ARL6IP6: variants seen among roughly 807,000 people sequenced by gnomAD.
ARL6IP6 encodes ADP-ribosylation factor-like protein 6-interacting protein 6.
In ARL6IP6, 22 loss-of-function variants were observed where a neutral mutation model predicts 21.5. That is an observed-to-expected ratio of 1.02 (90% CI 0.73 to 1.46). The LOEUF is 1.46. ARL6IP6 is among the 40% of genes most tolerant of loss of function. The pLI, the probability that ARL6IP6 is intolerant of heterozygous loss-of-function variation, is 0.00. For synonymous variants in ARL6IP6, 164 were observed against 125.3 expected, an observed-to-expected ratio of 1.31 and a Z score of -2.06; for missense variants, 388 against 299.8, an observed-to-expected ratio of 1.29 and a Z score of -2.17.
At chr2:152,724,179 TG>T in intron 2 of ARL6IP6, among the ~76,000 whole-genome samples, 1 of 151,958 alleles carries the variant, frequency 6.6e-6, no homozygotes, top group South Asian at 2.1e-4. Flanking sequence ...TTAGTTTATC[TG>T]GGTTTCCGAA....
At chr2:152,736,730 A>G (rs916997158) in intron 3 of ARL6IP6, among the ~76,000 whole-genome samples, 5 of 152,192 alleles carry the variant, frequency 3.3e-5, no homozygotes, top group African/African-American at 1.2e-4. Flanking sequence ...AATATTTGGG[A>G]AAAAAATTAC....
At chr2:152,730,162 C>T (rs114462855) in intron 2 of ARL6IP6, among the ~76,000 whole-genome samples, 312 of 152,176 alleles carry the variant, frequency 2.1e-3, no homozygotes, top group African/African-American at 6.3e-3. Context: ...ATGCTCAATG[C>T]GAAGTAAGTA....
intron 3 of ARL6IP6, among the ~76,000 whole-genome samples, chr2:152,751,353 C>CA (rs756670612): frequency 2.6e-5 from 4 of 152,190 alleles, no homozygotes; most frequent in Admixed American, 1.3e-4. Flanking sequence ...TGTGAGCATT[C>CA]AAAATCTTCT....
At chr2:152,734,159 GC>G (rs1314281015) in intron 2 of ARL6IP6, among the ~76,000 whole-genome samples, 1 of 151,980 alleles carries the variant, frequency 6.6e-6, no homozygotes, top group Non-Finnish European at 1.5e-5. Context: ...TTCCCTTTAT[GC>G]CTCCTATTCT....
upstream of ARL6IP6, chr2:152,717,659 A>C (rs1003351613): frequency 2.1e-5 from 30 of 1,418,596 alleles, no homozygotes; most frequent in Non-Finnish European, 2.3e-5. Flanking sequence ...AGGACGGAGG[A>C]AGTTTCTGCG....
intron 2 of ARL6IP6, among the ~76,000 whole-genome samples, chr2:152,733,599 G>A (rs1227326545): frequency 6.6e-6 from 1 of 151,946 alleles, no homozygotes; most frequent in Non-Finnish European, 1.5e-5. Context: ...CACCGTTTTA[G>A]GTATTCAGTT....
chr2:152,738,725 C>A (rs1700663581), intron 3 of ARL6IP6, among the ~76,000 whole-genome samples: 2 of 152,150 alleles, frequency 1.3e-5, no homozygotes, highest in Admixed American at 1.3e-4. Context: ...ATAGGCCTCC[C>A]AGCTTGTGAT....
intron 2 of ARL6IP6, among the ~76,000 whole-genome samples, chr2:152,727,503 C>A (rs1700100103): frequency 6.6e-6 from 1 of 152,102 alleles, no homozygotes; most frequent in Non-Finnish European, 1.5e-5. Flanking sequence ...TGTCCTTGGC[C>A]TTCACCTTCA....
chr2:152,728,505 G>A (rs967533976), intron 2 of ARL6IP6, among the ~76,000 whole-genome samples: 7 of 152,210 alleles, frequency 4.6e-5, no homozygotes, highest in Non-Finnish European at 8.8e-5. Flanking sequence ...TAAACAAAAT[G>A]AAAATATTTA....
At chr2:152,751,639 C>G (rs34585982) in intron 3 of ARL6IP6, among the ~76,000 whole-genome samples, 22,721 of 152,148 alleles carry the variant, frequency 0.15, 1,924 homozygotes, top group East Asian at 0.26. Flanking sequence ...TATTTATCTT[C>G]TTATGCCTGA....
At chr2:152,732,467 G>T in intron 2 of ARL6IP6, 2 of 396,340 alleles carry the variant, frequency 5.0e-6, no homozygotes, top group Non-Finnish European at 1.0e-5. Context: ...TTTTTATTCT[G>T]CAATTGCATT....
chr2:152,735,005 C>G lies in ARL6IP6; in HGVS notation c.466C>G (p.Leu156Val), dbSNP rs1700488266. The change falls in exon 3 of 4, where the codon CTA (leucine) becomes GTA (valine). Residue 156 changes from leucine (L) to valine (V), a missense_variant. Coordinates refer to ENST00000326446, the MANE Select transcript of ARL6IP6 (RefSeq NM_152522.7). ...CTTTTCCTGTTAAGGATTCTGGACT[C>G]TACTTATAATATCCCTAACTGCTGG... Reference protein sequence around the residue: ...VDTGLLGFWTLLIISLTAGFS... With the variant: ...VDTGLLGFWTVLIISLTAGFS... 6.2e-7 allele frequency: 1 copy of G among 1,612,738 alleles called. No homozygotes were observed. Among genetic ancestry groups the G allele is most frequent in the Admixed American group, 1.7e-5 (1 of 59,976 alleles).
At chr2:152,735,766 A>G (rs1022218413) in intron 3 of ARL6IP6, among the ~76,000 whole-genome samples, 34 of 152,248 alleles carry the variant, frequency 2.2e-4, no homozygotes, top group African/African-American at 7.9e-4. Context: ...TATTCTGGAA[A>G]TTTGGGGAGG....
intron 3 of ARL6IP6, among the ~76,000 whole-genome samples, chr2:152,747,190 A>G (rs187695326): frequency 2.6e-5 from 4 of 152,276 alleles, no homozygotes; most frequent in East Asian, 1.9e-4. Flanking sequence ...GAAAGGAATT[A>G]TTATCCTCAT....
Position 152,720,517 on chromosome 2 carries a change from C to G in ARL6IP6, c.401-16C>G, listed in dbSNP as rs371131507. 5 of 1,611,914 alleles carry G rather than the reference C, an allele frequency of 3.1e-6. No individual in the cohort carries two copies. The African/African-American group carries it at 6.7e-5, about 22-fold the overall frequency. On this transcript the variant is annotated splice_polypyrimidine_tract_variant and intron_variant, in intron 1 of 3. Transcript: ENST00000326446. Reference sequence around the variant, plus strand: ...TAGTATTGCTTTCCTACCTAAGTCCCTCTTTGTATTTGCAGAGTTGCATGC... The same window carrying G: ...TAGTATTGCTTTCCTACCTAAGTCCGTCTTTGTATTTGCAGAGTTGCATGC...
At chr2:152,727,355 TAA>T (rs1222123568) in intron 2 of ARL6IP6, among the ~76,000 whole-genome samples, 1 of 152,154 alleles carries the variant, frequency 6.6e-6, no homozygotes, top group Non-Finnish European at 1.5e-5. Context: ...TAGAAAAGGG[TAA>T]AGTTAAATTT....
intron 3 of ARL6IP6, among the ~76,000 whole-genome samples, chr2:152,735,456 A>T (rs1700508737): frequency 1.3e-5 from 2 of 152,220 alleles, no homozygotes; most frequent in Admixed American, 1.3e-4. Flanking sequence ...CAACAATTTG[A>T]AAGTTTTACT....
At chr2:152,727,647 TTAAG>T (rs1162472165) in intron 2 of ARL6IP6, among the ~76,000 whole-genome samples, 1 of 152,236 alleles carries the variant, frequency 6.6e-6, no homozygotes, top group Non-Finnish European at 1.5e-5. Flanking sequence ...TTTTCTATAT[TTAAG>T]TATGTTCAGA....
At chr2:152,717,937 A>G (rs1159633555), upstream of ARL6IP6, 1 of 1,001,626 alleles carries the variant, frequency 1.0e-6, no homozygotes, top group Middle Eastern at 5.1e-4. Flanking sequence ...GGAGGGGAGG[A>G]GGCGGGGAAG....
Sources: allele counts gnomAD v4.1 joint callset (sites outside exome capture counted in the v4.1 genomes callset), GRCh38; gene constraint gnomAD v4.1.1; transcripts MANE v1.5; gene names NCBI Gene and HGNC (gene_info 2026-07-23, HGNC 2026-07-21).